CHID1: variants seen among roughly 807,000 people sequenced by gnomAD.
CHID1 encodes the protein chitinase domain-containing protein 1.
Under a neutral mutation model 55.4 loss-of-function variants are expected in CHID1, and 44 were observed. That is an observed-to-expected ratio of 0.79 (90% CI 0.62 to 1.02). CHID1 has a LOEUF of 1.02. CHID1 is among the 50% of genes least tolerant of loss of function. CHID1 has a pLI of 0.00. For missense variants in CHID1, 491 were observed against 515.3 expected, an observed-to-expected ratio of 0.95 and a Z score of 0.46; for synonymous variants, 216 against 212.9, an observed-to-expected ratio of 1.01 and a Z score of -0.13.
chr11:905,409 T>A (rs750138780), intron 1 of CHID1, among the ~76,000 whole-genome samples: 3 of 152,214 alleles, frequency 2.0e-5, no homozygotes, highest in Non-Finnish European at 4.4e-5. Context: ...GGCTTATGCC[T>A]GTAATCCCAA....
At chr11:910,835 G>A (rs1198692323), upstream of CHID1, 47 of 1,095,506 alleles carry the variant, frequency 4.3e-5, no homozygotes, top group Non-Finnish European at 4.7e-5. Context: ...CCAGCGCGCC[G>A]GAAGTCCCGC....
At chr11:871,629 G>C (rs928172780) in intron 10 of CHID1, among the ~76,000 whole-genome samples, 6 of 37,770 alleles carry the variant, frequency 1.6e-4, no homozygotes, top group African/African-American at 5.6e-4. Context: ...TGCCCCCCAC[G>C]TGCCTGGGGC....
chr11:882,873 G>T, intron 10 of CHID1: 1 of 398,980 alleles, frequency 2.5e-6, no homozygotes, highest in Non-Finnish European at 4.6e-6. Flanking sequence ...TGTGGGGCAA[G>T]GCTGACGGGT....
chr11:902,041 A>G, intron 4 of CHID1, 157 bp downstream of exon 4: 1 of 616,500 alleles, frequency 1.6e-6, no homozygotes, highest in Non-Finnish European at 2.5e-6. Flanking sequence ...ACACTTACAC[A>G]CTCACATTCA....
chr11:913,143 C>G (rs994880369), upstream of CHID1, among the ~76,000 whole-genome samples: 10 of 148,270 alleles, frequency 6.7e-5, no homozygotes, highest in African/African-American at 2.5e-4. Flanking sequence ...GGAAAATTGC[C>G]CCCCCCCGCA....
upstream of CHID1, chr11:910,880 C>T (rs1364770930): frequency 2.8e-6 from 3 of 1,055,062 alleles, no homozygotes; most frequent in Non-Finnish European, 3.5e-6. Context: ...GCGCACGGCA[C>T]GCTGGGATGG....
chr11:877,090 C>T (rs1339093687), intron 10 of CHID1, among the ~76,000 whole-genome samples: 6 of 152,182 alleles, frequency 3.9e-5, no homozygotes, highest in Non-Finnish European at 5.9e-5. Context: ...GAAGCAGTGC[C>T]TTTCTTTCCT....
In CHID1 at chr11:883,170, G is replaced by C; in HGVS notation, c.937C>G (p.Arg313Gly). The part of the protein sequence containing the change: ...GMDYATSKDA[R>G]EPVVGARYIQ... Reference sequence around the variant, plus strand: ...CACCTGGCCCCGACAACAGGCTCACGGGCATCCTTGGAGGTCGCGTAGTCC... The same window carrying C: ...CACCTGGCCCCGACAACAGGCTCACCGGCATCCTTGGAGGTCGCGTAGTCC... The change falls in exon 10 of 13, where the codon CGT (arginine) becomes GGT (glycine). Residue 313 changes from arginine to glycine, a missense_variant. Coordinates refer to ENST00000323578, the MANE Select transcript of CHID1 (RefSeq NM_023947.4). 6.2e-7 allele frequency: 1 copy of C among 1,612,778 alleles called. No individual in the cohort carries two copies. Among genetic ancestry groups the C allele is most frequent in the East Asian group, 2.2e-5 (1 of 44,830 alleles).
At chr11:885,891 G>C (rs79347848) in intron 8 of CHID1, among the ~76,000 whole-genome samples, 1 of 152,016 alleles carries the variant, frequency 6.6e-6, no homozygotes, top group Non-Finnish European at 1.5e-5. Context: ...AGTGGCTCAC[G>C]CCTGTAATCC....
Position 884,157 on chromosome 11 carries a change from C to A in CHID1, c.714G>T (p.Leu238=). The change falls in exon 9 of 13, where the codon CTG becomes CTT. Residue 238 remains leucine, a synonymous_variant. Coordinates refer to ENST00000323578, the MANE Select transcript of CHID1 (RefSeq NM_023947.4). ...PPAITPGTDQ[L]GMFTHKEFEQ... is the part of the protein sequence containing the mutation. ...CAAACTCCTTGTGCGTGAACATGCCCAGCTGGTCGGTCCTGTAACAGACAG... is the reference window on the plus strand; with the variant it reads ...CAAACTCCTTGTGCGTGAACATGCCAAGCTGGTCGGTCCTGTAACAGACAG... 2.5e-6 allele frequency: 4 copies of A among 1,614,028 alleles called. No homozygotes were observed. Among genetic ancestry groups the A allele is most frequent in the Non-Finnish European group, 3.4e-6 (4 of 1,179,950 alleles).
intron 10 of CHID1, among the ~76,000 whole-genome samples, chr11:876,275 C>A (rs1198143630): frequency 6.6e-6 from 1 of 152,190 alleles, no homozygotes; most frequent in African/African-American, 2.4e-5. Flanking sequence ...GTGCACGTTG[C>A]AGGCAGTGAG....
chr11:872,086 C>T (rs1293021388), intron 10 of CHID1, among the ~76,000 whole-genome samples: 6 of 152,174 alleles, frequency 3.9e-5, no homozygotes, highest in East Asian at 1.9e-4. Flanking sequence ...CATCAGACCC[C>T]GGCAAACACA....
At chr11:899,962 G>A (rs745625785) in intron 6 of CHID1, 42 bp downstream of exon 6, 51 of 1,489,820 alleles carry the variant, frequency 3.4e-5, no homozygotes, top group Admixed American at 1.5e-4. Context: ...GGTGGGACCC[G>A]GGGGGCTGTG....
intron 1 of CHID1, among the ~76,000 whole-genome samples, chr11:910,280 C>T (rs1160707996): frequency 2.0e-5 from 3 of 152,080 alleles, no homozygotes; most frequent in Non-Finnish European, 4.4e-5. Context: ...GGACCGCGTG[C>T]CCCTCACTGG....
chr11:910,538 C>T (rs1276479601), intron 1 of CHID1: 3 of 1,007,528 alleles, frequency 3.0e-6, no homozygotes, highest in Non-Finnish European at 3.8e-6. Context: ...ACTCGCCCTC[C>T]ACCCCCGCTC....
chr11:914,419 G>T, upstream of CHID1: 2 of 799,784 alleles, frequency 2.5e-6, no homozygotes, highest in Non-Finnish European at 3.6e-6. Context: ...GGGCATGGGG[G>T]GGACAGAGTA....
At chr11:884,276 C>T in intron 8 of CHID1, 107 bp from the exon 9 acceptor site, 1 of 775,022 alleles carries the variant, frequency 1.3e-6, no homozygotes, top group Admixed American at 2.5e-5. Context: ...TCACTTTTCC[C>T]AAGGGGAAAA....
rs770438591 is a variant in CHID1, at chr11:900,817, T to C, written c.439+119A>G. 118 of 818,996 alleles carry C rather than the reference T, an allele frequency of 1.4e-4. 1 individual carries two copies. In the African/African-American group the frequency reaches 1.5e-3, roughly 11 times the overall value. 50.7% of individuals were successfully genotyped at this position (818,996 alleles called of 1,614,324 possible). On this transcript the variant is annotated intron_variant, in intron 5 of 12. Transcript: ENST00000323578. ...CAGCCTCATCTCTGAGCGGTCAAAG[T>C]AACCTGTGCCGCAGCAGCACAGCCG...
At chr11:890,354 C>T (rs972411744) in intron 8 of CHID1, among the ~76,000 whole-genome samples, 1 of 152,256 alleles carries the variant, frequency 6.6e-6, no homozygotes, top group Non-Finnish European at 1.5e-5. Flanking sequence ...GATACGGTGA[C>T]GGCGCCCCCA....
Sources: gnomAD v4.1 joint callset for allele counts (sites outside exome capture counted in the v4.1 genomes callset) on GRCh38, gnomAD v4.1.1 for gene constraint, MANE v1.5 for transcripts, NCBI Gene and HGNC (gene_info 2026-07-23, HGNC 2026-07-21) for gene names.